Variants in GNAQ observed in about 807,000 individuals in gnomAD.
GNAQ encodes guanine nucleotide-binding protein G(q) subunit alpha.
A neutral mutation model predicts 43.9 loss-of-function variants in GNAQ; 8 were observed. The ratio of observed to expected loss-of-function variants is 0.18; its 90% CI spans 0.11 to 0.33. The LOEUF (loss-of-function observed/expected upper bound fraction) is 0.33, where lower values mean the gene tolerates loss of function less well. Ranked by LOEUF, GNAQ falls within the 10% of genes least tolerant of loss-of-function variation. The pLI is 1.00. For synonymous variants in GNAQ, 155 were observed against 170.7 expected (o/e 0.91, Z 0.71); for missense variants, 158 against 450.8 (o/e 0.35, Z 5.88).
At chr9:77,855,402 G>A (rs1292561457) in intron 2 of GNAQ, among the ~76,000 whole-genome samples, 2 of 152,066 alleles carry the variant, frequency 1.3e-5, no homozygotes, top group Non-Finnish European at 2.9e-5. Flanking sequence ...GTGGCTTCCT[G>A]GCTAGAGATA....
chr9:77,960,412 T>C (rs949760428), intron 1 of GNAQ, among the ~76,000 whole-genome samples: 2 of 152,168 alleles, frequency 1.3e-5, no homozygotes, highest in African/African-American at 4.8e-5. Context: ...ATTTGAATAT[T>C]TTCAGTGGAC....
At chr9:77,862,432 C>T (rs2378087) in intron 2 of GNAQ, among the ~76,000 whole-genome samples, 82,523 of 152,088 alleles carry the variant, frequency 0.54, 25,456 homozygotes, top group Non-Finnish European at 0.7. Context: ...TGTGCACATG[C>T]AGGCTAATAC....
At chr9:77,833,247 C>T (rs1249778450) in intron 2 of GNAQ, among the ~76,000 whole-genome samples, 2 of 152,192 alleles carry the variant, frequency 1.3e-5, no homozygotes, top group African/African-American at 4.8e-5. Context: ...GGATTACAGG[C>T]GTGAGCCACC....
At chr9:77,888,685 G>A (rs896239310) in intron 2 of GNAQ, among the ~76,000 whole-genome samples, 3 of 152,092 alleles carry the variant, frequency 2.0e-5, no homozygotes, top group Admixed American at 1.3e-4. Flanking sequence ...TATTCTTCAC[G>A]TGGAACGCTG....
At position 78,002,818 on chromosome 9, in the gene GNAQ, TATC is replaced by T. The variant is rs767996196; in HGVS notation, c.136+28279_136+28281del. Among the ~76,000 whole-genome samples the T allele has an allele frequency of 7.9e-5, 12 of 152,338 alleles. No individual in the cohort carries two copies. The East Asian group carries it at 2.1e-3, about 27-fold the overall frequency. On this transcript the variant is annotated intron_variant, in intron 1 of 6. Coordinates refer to ENST00000286548, the MANE Select transcript of GNAQ (RefSeq NM_002072.5). ...CCCTTAATACTTACAATTGGTTTTC[TATC>T]ATCATATCAACTACCTTTTCTCCCC...
chr9:77,931,233 C>T (rs1461403161), intron 1 of GNAQ, among the ~76,000 whole-genome samples: 12 of 150,804 alleles, frequency 8.0e-5, no homozygotes, highest in Admixed American at 2.6e-4. Context: ...TTTTCTCTTC[C>T]TTACACAACC....
At position 77,719,357 on chromosome 9, in the gene GNAQ, C is replaced by T. The variant is rs1825274539; in HGVS notation, c.*1966G>A. ...TGCAATATCAAGAGAGATGTATGTA[C>T]AATGATTAGAGCATTTGTAATTGCA... On this transcript the variant is annotated 3_prime_UTR_variant, in exon 7 of 7. Coordinates refer to ENST00000286548, the MANE Select transcript of GNAQ (RefSeq NM_002072.5). The T allele has an allele frequency of 3.0e-5, 7 of 232,556 alleles. No homozygotes were observed. In the East Asian group the frequency reaches 4.2e-4, roughly 14 times the overall value. 14.4% of individuals were successfully genotyped at this position (232,556 alleles called of 1,614,324 possible). A position where few individuals can be genotyped will look rare whatever the true frequency, so the allele number is the denominator to read the frequency against.
chr9:77,884,153 T>C (rs887690755), intron 2 of GNAQ, among the ~76,000 whole-genome samples: 1 of 152,186 alleles, frequency 6.6e-6, no homozygotes, highest in Non-Finnish European at 1.5e-5. Context: ...AGCATTTCTA[T>C]AGCTTCAGAA....
At chr9:77,778,434 C>T (rs186767484) in intron 5 of GNAQ, among the ~76,000 whole-genome samples, 20 of 151,658 alleles carry the variant, frequency 1.3e-4, no homozygotes, top group Admixed American at 7.9e-4. Flanking sequence ...AGAAGTATAA[C>T]GAATATGCTA....
chr9:77,960,730 T>C (rs1316483724), intron 1 of GNAQ, among the ~76,000 whole-genome samples: 1 of 152,072 alleles, frequency 6.6e-6, no homozygotes, highest in Non-Finnish European at 1.5e-5. Context: ...TGGGAAAAAC[T>C]AGCTAAATTA....
intron 2 of GNAQ, among the ~76,000 whole-genome samples, chr9:77,867,688 A>G (rs936336376): frequency 1.3e-5 from 2 of 152,198 alleles, no homozygotes; most frequent in African/African-American, 4.8e-5. Context: ...GTAACTGTGT[A>G]TGGAAGCATC....
intron 5 of GNAQ, among the ~76,000 whole-genome samples, chr9:77,788,054 A>C (rs1439826636): frequency 2.6e-5 from 4 of 152,188 alleles, no homozygotes. Flanking sequence ...AAGACAAAAC[A>C]AAACACACCC....
intron 2 of GNAQ, among the ~76,000 whole-genome samples, chr9:77,836,996 G>C (rs1827398354): frequency 6.6e-6 from 1 of 152,108 alleles, no homozygotes; most frequent in Admixed American, 6.6e-5. Flanking sequence ...TCAAAATTAT[G>C]ATGTTCTCTA....
intron 2 of GNAQ, among the ~76,000 whole-genome samples, chr9:77,907,412 T>C (rs937323977): frequency 2.0e-5 from 3 of 152,146 alleles, no homozygotes; most frequent in African/African-American, 7.2e-5. Flanking sequence ...AGAAAGAATA[T>C]ATGAGCTTTC....
intron 5 of GNAQ, among the ~76,000 whole-genome samples, chr9:77,743,290 AAAAAC>A (rs1825681444): frequency 6.6e-6 from 1 of 152,032 alleles, no homozygotes; most frequent in Non-Finnish European, 1.5e-5. Context: ...AACAAACAAA[AAAAAC>A]AAACAACATC....
intron 2 of GNAQ, among the ~76,000 whole-genome samples, chr9:77,853,101 CAACCA>C (rs1827696455): frequency 6.6e-6 from 1 of 151,938 alleles, no homozygotes; most frequent in Non-Finnish European, 1.5e-5. Context: ...GAATTGTTAC[CAACCA>C]AACTATGATA....
At chr9:77,999,502 A>G (rs1009413687) in intron 1 of GNAQ, among the ~76,000 whole-genome samples, 1 of 152,230 alleles carries the variant, frequency 6.6e-6, no homozygotes, top group African/African-American at 2.4e-5. Context: ...AGAAAATGTT[A>G]TCTAATAGTG....
intron 1 of GNAQ, among the ~76,000 whole-genome samples, chr9:78,012,068 A>C (rs768773942): frequency 6.6e-6 from 1 of 152,178 alleles, no homozygotes; most frequent in Non-Finnish European, 1.5e-5. Flanking sequence ...AGCAAATCAC[A>C]AAGAAAAAAT....
At chr9:77,897,943 A>G (rs749570) in intron 2 of GNAQ, among the ~76,000 whole-genome samples, 1,467 of 23,350 alleles carry the variant, frequency 0.063, 35 homozygotes, top group African/African-American at 0.1. Context: ...CTTTCCCTGG[A>G]AAAAAAAAAA....
Sources: allele counts gnomAD v4.1 joint callset (sites outside exome capture counted in the v4.1 genomes callset), GRCh38; gene constraint gnomAD v4.1.1; transcripts MANE v1.5; gene names NCBI Gene and HGNC (gene_info 2026-07-23, HGNC 2026-07-21).